MLIP: variants seen among roughly 807,000 people sequenced by gnomAD.
MLIP encodes muscular LMNA-interacting protein.
A neutral mutation model predicts 84.8 loss-of-function variants in MLIP; 79 were observed. The observed-to-expected ratio is 0.93, with a 90% confidence interval of 0.78 to 1.12. The LOEUF (loss-of-function observed/expected upper bound fraction) is 1.12. Ranked by LOEUF, MLIP falls within the 50% of genes most tolerant of loss-of-function variation. The pLI is 0.00. For missense variants in MLIP, 1,257 were observed against 1,160.6 expected (o/e 1.08, Z -1.21); for synonymous variants, 504 against 463.0 (o/e 1.09, Z -1.14).
At chr6:54,052,001 G>T (rs1328666625) in intron 1 of MLIP, among the ~76,000 whole-genome samples, 2 of 152,126 alleles carry the variant, frequency 1.3e-5, no homozygotes, top group African/African-American at 4.8e-5. Context: ...CTAAAATGAT[G>T]TAATCAGTGT....
At chr6:54,143,051 G>A (rs1031940342) in intron 4 of MLIP, among the ~76,000 whole-genome samples, 2 of 151,972 alleles carry the variant, frequency 1.3e-5, no homozygotes, top group African/African-American at 4.8e-5. Flanking sequence ...TTTCAGCTAT[G>A]CTATCTGTCA....
At chr6:54,121,388 A>G in intron 1 of MLIP, 59 bp from the exon 2 acceptor site, 1 of 1,550,644 alleles carries the variant, frequency 6.4e-7, no homozygotes, top group Non-Finnish European at 8.9e-7. Context: ...CATATGGAGA[A>G]TAAAGGCAAG....
chr6:54,123,026 G>C (rs960065485), intron 2 of MLIP, among the ~76,000 whole-genome samples: 1 of 151,866 alleles, frequency 6.6e-6, no homozygotes, highest in African/African-American at 2.4e-5. Flanking sequence ...CCGCCTCCCG[G>C]GTTCACTCCA....
intron 4 of MLIP, among the ~76,000 whole-genome samples, chr6:54,146,918 A>C (rs1772900583): frequency 6.6e-6 from 1 of 152,186 alleles, no homozygotes; most frequent in African/African-American, 2.4e-5. Flanking sequence ...ACTGACATGC[A>C]CTATCTGGTG....
chr6:54,166,253 T>TAATA (rs1443704573), intron 8 of MLIP, among the ~76,000 whole-genome samples: 1 of 151,958 alleles, frequency 6.6e-6, no homozygotes, highest in African/African-American at 2.4e-5. Context: ...ATTTCATAAC[T>TAATA]AATACCTTTC....
intron 1 of MLIP, among the ~76,000 whole-genome samples, chr6:54,020,851 C>T (rs1414470533): frequency 6.6e-6 from 1 of 152,170 alleles, no homozygotes; most frequent in Non-Finnish European, 1.5e-5. Context: ...TACGAACATT[C>T]ACCTGCATTG....
In MLIP at chr6:54,025,924, A is replaced by C. The variant is rs182140830; in HGVS notation, c.63+6833A>C. ...GCCCATTCATCATTGGTATATTTTA[A>C]ATTTATTATCCACTTTTCTCCAGAG... On this transcript the variant is annotated intron_variant, in intron 1 of 12. Transcript: ENST00000274897. Among the ~76,000 whole-genome samples, 51 of 152,236 alleles carry C rather than the reference A, an allele frequency of 3.4e-4. 1 individual carries two copies. Among genetic ancestry groups the C allele is most frequent in the African/African-American group, 1.2e-3 (51 of 41,530 alleles).
chr6:54,174,103 G>A (rs572198026), intron 9 of MLIP, among the ~76,000 whole-genome samples: 44 of 152,106 alleles, frequency 2.9e-4, no homozygotes, highest in South Asian at 1.0e-3. Flanking sequence ...ACTCCATTGT[G>A]TATAAGTACC....
At chr6:54,134,457 A>G (rs1026543412) in intron 3 of MLIP, among the ~76,000 whole-genome samples, 24 of 152,022 alleles carry the variant, frequency 1.6e-4, no homozygotes, top group South Asian at 4.1e-4. Flanking sequence ...TTAAGAAAAT[A>G]TAATAAAAAT....
chr6:54,025,639 T>A (rs1763757859), intron 1 of MLIP, among the ~76,000 whole-genome samples: 1 of 152,180 alleles, frequency 6.6e-6, no homozygotes, highest in Non-Finnish European at 1.5e-5. Context: ...TCTTGCTGTG[T>A]TTTGGATTCA....
chr6:54,089,555 C>G (rs953285870), intron 1 of MLIP, among the ~76,000 whole-genome samples: 1 of 152,118 alleles, frequency 6.6e-6, no homozygotes, highest in African/African-American at 2.4e-5. Flanking sequence ...TATGACATAG[C>G]TCTAACTCTG....
intron 1 of MLIP, among the ~76,000 whole-genome samples, chr6:54,070,165 G>A (rs558878757): frequency 1.3e-5 from 2 of 152,142 alleles, no homozygotes; most frequent in Non-Finnish European, 2.9e-5. Context: ...ACCCATGCAC[G>A]ACTGCTTTAC....
chr6:54,148,943 A>G, intron 4 of MLIP, 113 bp from the exon 5 acceptor site: 1 of 785,354 alleles, frequency 1.3e-6, no homozygotes, highest in Non-Finnish European at 2.1e-6. Context: ...CAGCATAATA[A>G]CCCTTTTCTT....
chr6:54,201,129 T>C (rs559140238), intron 10 of MLIP, among the ~76,000 whole-genome samples: 1 of 152,328 alleles, frequency 6.6e-6, no homozygotes, highest in African/African-American at 2.4e-5. Flanking sequence ...ATTTTGGTGT[T>C]TGTGAAACAT....
chr6:54,133,900 C>G (rs1364338598), intron 3 of MLIP, among the ~76,000 whole-genome samples: 1 of 152,010 alleles, frequency 6.6e-6, no homozygotes, highest in Admixed American at 6.6e-5. Flanking sequence ...GCTCAGGGAA[C>G]CAGCATAGTT....
intron 3 of MLIP, among the ~76,000 whole-genome samples, chr6:54,128,077 T>G (rs1389122683): frequency 1.3e-5 from 2 of 152,110 alleles, no homozygotes; most frequent in East Asian, 3.9e-4. Context: ...TGACAATATA[T>G]GGGAAAAATT....
At chr6:54,128,503 A>C (rs560997328) in intron 3 of MLIP, among the ~76,000 whole-genome samples, 1 of 152,254 alleles carries the variant, frequency 6.6e-6, no homozygotes, top group African/African-American at 2.4e-5. Context: ...GAGACTTTCC[A>C]AAAAGAGGAG....
At chr6:54,020,149 A>C (rs1305166788) in intron 1 of MLIP, among the ~76,000 whole-genome samples, 1 of 152,190 alleles carries the variant, frequency 6.6e-6, no homozygotes, top group Admixed American at 6.5e-5. Context: ...GGCTTGGTGA[A>C]AATTCTTGCC....
intron 1 of MLIP, among the ~76,000 whole-genome samples, chr6:54,105,023 G>A (rs1768910102): frequency 6.6e-6 from 1 of 152,164 alleles, no homozygotes; most frequent in South Asian, 2.1e-4. Context: ...TCTAAGAAGG[G>A]CACGTTGGAT....
Sources: gnomAD v4.1 joint callset for allele counts (sites outside exome capture counted in the v4.1 genomes callset) on GRCh38, gnomAD v4.1.1 for gene constraint, MANE v1.5 for transcripts, NCBI Gene and HGNC (gene_info 2026-07-23, HGNC 2026-07-21) for gene names.